APLF: variants seen among roughly 807,000 people sequenced by gnomAD.
APLF encodes aprataxin and PNK-like factor.
In APLF, 61 loss-of-function variants were observed where a neutral mutation model predicts 55.6. The observed-to-expected ratio is 1.10, with a 90% CI of 0.89 to 1.36. APLF has a LOEUF of 1.36. Among genes scored for constraint, APLF ranks in the 40% most tolerant of loss-of-function variants. The pLI, the probability that APLF is intolerant of heterozygous loss-of-function variation, is 0.00. For synonymous variants in APLF, 207 were observed against 214.8 expected, an observed-to-expected ratio of 0.96 and a Z score of 0.32; for missense variants, 611 against 602.5, an observed-to-expected ratio of 1.01 and a Z score of -0.15.
chr2:68,474,948 G>A (rs1193146084), intron 1 of APLF, among the ~76,000 whole-genome samples: 2 of 152,216 alleles, frequency 1.3e-5, no homozygotes, highest in East Asian at 1.9e-4. Flanking sequence ...GATTACAGGC[G>A]TGAGCCTCCG....
In APLF at chr2:68,474,887, C is replaced by T. The variant is rs193213988; in HGVS notation, c.96+7060C>T. Among the ~76,000 whole-genome samples, 3 of 152,290 alleles carry T rather than the reference C, an allele frequency of 2.0e-5. No homozygotes were observed. In the East Asian group the frequency reaches 5.8e-4, roughly 29 times the overall value. On this transcript the variant is annotated intron_variant, in intron 1 of 9. Transcript: ENST00000303795. ...TTCTCTATGTTGATCAGGCTGGTCT[C>T]GAACTCCTGACCTTAGGTGATCTGC...
intron 8 of APLF, among the ~76,000 whole-genome samples, chr2:68,556,230 A>G (rs1408467477): frequency 6.6e-6 from 1 of 152,200 alleles, no homozygotes; most frequent in Non-Finnish European, 1.5e-5. Flanking sequence ...GAGGGATAAA[A>G]GACCACAAAT....
intron 8 of APLF, among the ~76,000 whole-genome samples, chr2:68,563,616 G>A (rs1233425035): frequency 2.0e-5 from 3 of 151,862 alleles, no homozygotes; most frequent in Non-Finnish European, 4.4e-5. Flanking sequence ...TTGTTTAATC[G>A]GTATTTGGTG....
chr2:68,487,329 T>C (rs1267459031), intron 1 of APLF, among the ~76,000 whole-genome samples: 2 of 152,188 alleles, frequency 1.3e-5, no homozygotes, highest in Non-Finnish European at 1.5e-5. Context: ...TTTCATGTAA[T>C]GATATTGAGG....
At chr2:68,487,563 ATAAT>A (rs919844279) in intron 1 of APLF, among the ~76,000 whole-genome samples, 16 of 152,266 alleles carry the variant, frequency 1.1e-4, no homozygotes, top group African/African-American at 3.4e-4. Context: ...TTTGGTGTTG[ATAAT>A]TGATTGTTAT....
At chr2:68,570,901 C>T (rs1209940617) in intron 9 of APLF, among the ~76,000 whole-genome samples, 1 of 152,190 alleles carries the variant, frequency 6.6e-6, no homozygotes, top group Non-Finnish European at 1.5e-5. Context: ...AACTAGTTTA[C>T]AGTCCCACCA....
intron 9 of APLF, among the ~76,000 whole-genome samples, 163 bp from the exon 10 acceptor site, chr2:68,577,657 T>C (rs1459641475): frequency 6.6e-6 from 1 of 152,114 alleles, no homozygotes; most frequent in Non-Finnish European, 1.5e-5. Context: ...GAATAATAAA[T>C]AACAAAGCAT....
chr2:68,553,538 T>C (rs1366482861), intron 8 of APLF, among the ~76,000 whole-genome samples: 1 of 152,114 alleles, frequency 6.6e-6, no homozygotes, highest in East Asian at 1.9e-4. Flanking sequence ...TGTATCAGAA[T>C]TATAAAATGT....
intron 1 of APLF, among the ~76,000 whole-genome samples, chr2:68,483,002 G>T (rs370265154): frequency 4.6e-5 from 7 of 151,652 alleles, no homozygotes; most frequent in African/African-American, 1.7e-4. Flanking sequence ...ACTGTCCCTG[G>T]GCCCAGGCTC....
In APLF at chr2:68,561,554, ATCTGATTGCAATAGAG is replaced by A. The variant is rs1313159366; in HGVS notation, c.1287-5779_1287-5764del. Among the ~76,000 whole-genome samples the A allele has an allele frequency of 3.3e-5, 5 of 152,230 alleles. No individual in the cohort carries two copies. In the South Asian group the frequency reaches 1.0e-3, roughly 32 times the overall value. On this transcript the variant is annotated intron_variant, in intron 8 of 9. Transcript: ENST00000303795. The stretch of plus-strand genomic sequence containing the variant: ...ATGCGGAGCAGTCTGTATCTCAGGA[ATCTGATTGCAATAGAG>A]TCTGATTAATATGAGTGTCATATTT...
intron 3 of APLF, among the ~76,000 whole-genome samples, chr2:68,509,018 A>G (rs1030632690): frequency 3.3e-5 from 5 of 152,126 alleles, no homozygotes; most frequent in African/African-American, 4.8e-5. Context: ...GGCTAGCCAT[A>G]TGTAGAAAGC....
At position 68,474,067 on chromosome 2, in the gene APLF, C is replaced by T. The variant is rs575785498; in HGVS notation, c.96+6240C>T. On this transcript the variant is annotated intron_variant, in intron 1 of 9. Transcript: ENST00000303795. ...GCTCTATTAATTTGCTAGAGCAGCT[C>T]CTAGAACTGGTTTGTTATAAGGGAT... is the stretch of plus-strand genomic sequence containing the variant. 9.2e-5 allele frequency among the ~76,000 whole-genome samples: 14 copies of T among 152,272 alleles called. 1 individual carries two copies. Among genetic ancestry groups the T allele is most frequent in the Non-Finnish European group, 1.5e-4 (10 of 68,022 alleles).
chr2:68,479,245 G>A (rs753283158), intron 1 of APLF, among the ~76,000 whole-genome samples: 9 of 152,262 alleles, frequency 5.9e-5, no homozygotes, highest in East Asian at 1.9e-4. Context: ...CACGAGTCCC[G>A]AAGGATTACA....
At chr2:68,485,480 G>T (rs535122845) in intron 1 of APLF, among the ~76,000 whole-genome samples, 1 of 152,274 alleles carries the variant, frequency 6.6e-6, no homozygotes, top group Admixed American at 6.5e-5. Context: ...AATCACCTTG[G>T]TAAGGTGGTA....
At chr2:68,500,538 C>T (rs1208574166) in intron 2 of APLF, among the ~76,000 whole-genome samples, 3 of 152,176 alleles carry the variant, frequency 2.0e-5, no homozygotes, top group Non-Finnish European at 2.9e-5. Context: ...TATTTAACAT[C>T]CTAGCCTTTG....
intron 9 of APLF, among the ~76,000 whole-genome samples, chr2:68,574,771 G>T (rs1412324422): frequency 1.3e-5 from 2 of 152,112 alleles, no homozygotes; most frequent in African/African-American, 4.8e-5. Flanking sequence ...TATTTCCAGG[G>T]TTCACTGAGG....
At chr2:68,522,069 CT>C in intron 5 of APLF, among the ~76,000 whole-genome samples, 1 of 151,822 alleles carries the variant, frequency 6.6e-6, no homozygotes, top group East Asian at 1.9e-4. Context: ...CTATCTACTG[CT>C]TTCTTTTCTT....
chr2:68,519,460 T>G (rs1000140897), intron 5 of APLF, among the ~76,000 whole-genome samples: 2 of 149,472 alleles, frequency 1.3e-5, no homozygotes, highest in Non-Finnish European at 3.0e-5. Context: ...AAAACAATTC[T>G]GAAAGAAAAG....
intron 6 of APLF, among the ~76,000 whole-genome samples, chr2:68,527,017 AG>A (rs1573221997): frequency 6.6e-6 from 1 of 152,234 alleles, no homozygotes; most frequent in East Asian, 1.9e-4. Flanking sequence ...AAGGTTGCGC[AG>A]TAGCTGGGCA....
Sources: gnomAD v4.1 joint callset for allele counts (sites outside exome capture counted in the v4.1 genomes callset) on GRCh38, gnomAD v4.1.1 for gene constraint, MANE v1.5 for transcripts, NCBI Gene and HGNC (gene_info 2026-07-23, HGNC 2026-07-21) for gene names.